Variants in CADM2 observed in about 807,000 individuals in gnomAD.
CADM2 encodes immunoglobulin superfamily member 4D.
Under a neutral mutation model 49.8 loss-of-function variants are expected in CADM2, and 12 were observed. The observed-to-expected ratio is 0.24, with a 90% CI of 0.15 to 0.39. CADM2 has a LOEUF of 0.39. Ranked by LOEUF, CADM2 falls within the 10% of genes least tolerant of loss-of-function variation. The pLI, the probability that CADM2 is intolerant of heterozygous loss-of-function variation, is 1.00. For synonymous variants in CADM2, 214 were observed against 175.4 expected, an observed-to-expected ratio of 1.22 and a Z score of -1.74; for missense variants, 378 against 492.3, an observed-to-expected ratio of 0.77 and a Z score of 2.20.
At chr3:85,094,711 C>G (rs571647901) in intron 1 of CADM2, among the ~76,000 whole-genome samples, 1 of 152,098 alleles carries the variant, frequency 6.6e-6, no homozygotes, top group Non-Finnish European at 1.5e-5. Context: ...ACTGACTTTT[C>G]TTTTTGGGAA....
chr3:85,208,915 C>G (rs1281950116), intron 1 of CADM2, among the ~76,000 whole-genome samples: 1 of 152,068 alleles, frequency 6.6e-6, no homozygotes, highest in Non-Finnish European at 1.5e-5. Flanking sequence ...AGAACACTCT[C>G]TAGTATTCAT....
intron 1 of CADM2, among the ~76,000 whole-genome samples, chr3:85,388,331 A>G (rs1348319400): frequency 3.3e-5 from 5 of 152,160 alleles, no homozygotes; most frequent in Admixed American, 2.0e-4. Context: ...ATGAGAATTA[A>G]TTGTTTGGCC....
chr3:85,263,075 C>T (rs2043047217), intron 1 of CADM2, among the ~76,000 whole-genome samples: 2 of 152,154 alleles, frequency 1.3e-5, no homozygotes, highest in Admixed American at 1.3e-4. Context: ...TCACTGCAAC[C>T]TCTGCCTCCT....
intron 8 of CADM2, chr3:85,994,381 A>T (rs1418675751): frequency 1.3e-5 from 2 of 152,208 alleles, no homozygotes; most frequent in Admixed American, 1.3e-4. Flanking sequence ...GGTTTAAGAG[A>T]ATGCTGTGGC....
At chr3:85,394,857 A>G (rs2034692628) in intron 1 of CADM2, among the ~76,000 whole-genome samples, 1 of 152,190 alleles carries the variant, frequency 6.6e-6, no homozygotes, top group Non-Finnish European at 1.5e-5. Flanking sequence ...AGTGCATCCA[A>G]AATGTAGAAT....
chr3:85,960,197 A>C (rs2108612355), intron 7 of CADM2, among the ~76,000 whole-genome samples: 1 of 151,978 alleles, frequency 6.6e-6, no homozygotes, highest in Non-Finnish European at 1.5e-5. Flanking sequence ...ATTTGTTATT[A>C]TTTTTCACAA....
At chr3:85,470,875 T>C (rs1465294236) in intron 1 of CADM2, among the ~76,000 whole-genome samples, 1 of 152,180 alleles carries the variant, frequency 6.6e-6, no homozygotes, top group Non-Finnish European at 1.5e-5. Context: ...AGAAAAAGTT[T>C]AGTGTTTAAA....
chr3:85,034,109 CCTTT>C (rs1183640267), intron 1 of CADM2, among the ~76,000 whole-genome samples: 4 of 152,114 alleles, frequency 2.6e-5, no homozygotes, highest in Non-Finnish European at 5.9e-5. Flanking sequence ...ACTTATCCTT[CCTTT>C]GTGTTATAAA....
Position 85,088,304 on chromosome 3 carries a change from CT to C in CADM2, c.61+128640del, listed in dbSNP as rs1254810218. ...TCAGGAATTGAACACCTTTGGAAAC[CT>C]TTTATAGTACAATCCTTTAGAACAC... On this transcript the variant is annotated intron_variant, in intron 1 of 9. Coordinates refer to ENST00000383699, the MANE Select transcript of CADM2 (RefSeq NM_001167675.2). 2.0e-5 allele frequency among the ~76,000 whole-genome samples: 3 copies of C among 152,160 alleles called. No individual in the cohort carries two copies. The East Asian group carries it at 5.8e-4, about 29-fold the overall frequency.
At chr3:85,119,763 T>C (rs989355186) in intron 1 of CADM2, among the ~76,000 whole-genome samples, 3 of 152,204 alleles carry the variant, frequency 2.0e-5, no homozygotes, top group African/African-American at 7.2e-5. Context: ...TTTGAAGCAA[T>C]TGTGAATGGG....
chr3:86,029,783 G>GAT (rs1271237584), intron 8 of CADM2, among the ~76,000 whole-genome samples: 2 of 151,946 alleles, frequency 1.3e-5, no homozygotes, highest in Non-Finnish European at 2.9e-5. Context: ...GCCTTCTCCT[G>GAT]ATATTTAAGA....
chr3:85,787,253 C>G (rs1039663903), intron 2 of CADM2, among the ~76,000 whole-genome samples: 1 of 151,966 alleles, frequency 6.6e-6, no homozygotes, highest in East Asian at 1.9e-4. Context: ...TATACAAACT[C>G]AAGCTAGTAA....
intron 1 of CADM2, among the ~76,000 whole-genome samples, chr3:85,081,102 A>T (rs978917802): frequency 6.6e-6 from 1 of 152,110 alleles, no homozygotes. Context: ...GCTTTCTTTC[A>T]TCATGAAAAA....
At chr3:85,451,862 A>T (rs936862423) in intron 1 of CADM2, among the ~76,000 whole-genome samples, 1 of 152,104 alleles carries the variant, frequency 6.6e-6, no homozygotes, top group African/African-American at 2.4e-5. Context: ...TTCACCAGGG[A>T]TTCATCCTGT....
At chr3:85,472,977 C>A (rs952982802) in intron 1 of CADM2, among the ~76,000 whole-genome samples, 1 of 152,000 alleles carries the variant, frequency 6.6e-6, no homozygotes, top group Non-Finnish European at 1.5e-5. Context: ...CAGTTTCTTA[C>A]ACAATTATAA....
At chr3:85,594,356 A>G (rs2063187260) in intron 1 of CADM2, among the ~76,000 whole-genome samples, 1 of 151,836 alleles carries the variant, frequency 6.6e-6, no homozygotes, top group Non-Finnish European at 1.5e-5. Flanking sequence ...TTATTTATTT[A>G]TTTATTTATT....
rs576198474 is a variant in CADM2 at position 85,931,804 on chromosome 3, A to G, written c.701-3963A>G. On this transcript the variant is annotated intron_variant, in intron 6 of 9. Coordinates refer to ENST00000383699, the MANE Select transcript of CADM2 (RefSeq NM_001167675.2). ...GGCTGGAATTCAAATAATAAAATAG[A>G]ACATTAGAAGACAAGAACATAAATG... 4.7e-4 allele frequency among the ~76,000 whole-genome samples: 72 copies of G among 152,192 alleles called. No homozygotes were observed. In the Middle Eastern group the frequency reaches 0.01, roughly 22 times the overall value.
intron 1 of CADM2, among the ~76,000 whole-genome samples, chr3:85,721,038 G>T (rs1458361506): frequency 1.3e-5 from 2 of 152,122 alleles, no homozygotes; most frequent in Non-Finnish European, 2.9e-5. Flanking sequence ...TCAGAAGTGT[G>T]TTTTTTCTCT....
At chr3:85,886,121 A>G in intron 4 of CADM2, 69 bp from the exon 5 acceptor site, 2 of 1,576,804 alleles carry the variant, frequency 1.3e-6, no homozygotes, top group Non-Finnish European at 1.7e-6. Context: ...TCATGTGTGA[A>G]AGTAATAGAC....
Sources: gnomAD v4.1 joint callset for allele counts (sites outside exome capture counted in the v4.1 genomes callset) on GRCh38, gnomAD v4.1.1 for gene constraint, MANE v1.5 for transcripts, NCBI Gene and HGNC (gene_info 2026-07-23, HGNC 2026-07-21) for gene names.